Variants in NLRC5 observed in about 807,000 individuals in gnomAD.
The protein encoded by NLRC5 is NLR family CARD domain containing 5.
Under a neutral mutation model 206.9 loss-of-function variants are expected in NLRC5, and 114 were observed. That is an observed-to-expected ratio of 0.55 (90% CI 0.47 to 0.64). The LOEUF is 0.64. NLRC5 is among the 30% of genes least tolerant of loss of function. The probability of loss-of-function intolerance (pLI) is 0.00; values close to 1 mark genes in which losing one functional copy is unlikely to be tolerated. For missense variants in NLRC5, 2,008 were observed against 2,305.5 expected (o/e 0.87, Z 2.64); for synonymous variants, 952 against 962.8 (o/e 0.99, Z 0.21).
chr16:57,077,313 T>C lies in NLRC5; in HGVS notation c.4853T>C (p.Ile1618Thr), dbSNP rs780700162. ...CCCCCAAGCTTGAGCCACAACCAGA[T>C]TGGAGACGCTGGTGTCCAGCACTTA... ...LEELDLSHNQ[I>T]GDAGVQHLAT... Residue 1618 changes from isoleucine (I) to threonine (T), a missense_variant, in exon 41 of 49, where the codon ATT becomes ACT. Ile to Thr is a moderately conservative substitution (Grantham distance 89). Coordinates refer to ENST00000688547, the MANE Select transcript of NLRC5 (RefSeq NM_001384950.1). The C allele has an allele frequency of 5.6e-6, 9 of 1,614,044 alleles. No homozygotes were observed. The highest frequency in any genetic ancestry group is 6.8e-6 in the Non-Finnish European group (8 of 1,179,962).
intron 24 of NLRC5, chr16:57,052,740 AAGTAC>A (rs2065092204): frequency 6.6e-6 from 1 of 152,182 alleles, no homozygotes; most frequent in African/African-American, 2.4e-5. Flanking sequence ...TTCCAGGGGC[AAGTAC>A]AGCCCAGCTC....
chr16:57,063,106 CTTTTT>C (rs34897333), intron 32 of NLRC5, among the ~76,000 whole-genome samples: 1 of 95,078 alleles, frequency 1.1e-5, no homozygotes, highest in East Asian at 3.4e-4. Context: ...ACTTTCCTTC[CTTTTT>C]TTTTTTTTTT....
chr16:57,052,926 G>C (rs547302877), intron 24 of NLRC5: 1 of 152,296 alleles, frequency 6.6e-6, no homozygotes, highest in Non-Finnish European at 1.5e-5. Flanking sequence ...CTGACTCCTC[G>C]TCCGCCTTTG....
At chr16:57,068,060 G>A (rs1225712588) in intron 36 of NLRC5, among the ~76,000 whole-genome samples, 1 of 152,172 alleles carries the variant, frequency 6.6e-6, no homozygotes, top group Non-Finnish European at 1.5e-5. Flanking sequence ...CTCTTTCATT[G>A]TTTTTCTTTT....
Position 57,045,513 on chromosome 16 carries a change from G to A in NLRC5, c.3248+21G>A, listed in dbSNP as rs200287720. 41 of 1,612,272 alleles carry A rather than the reference G, an allele frequency of 2.5e-5. No individual in the cohort carries two copies. In the African/African-American group the frequency reaches 3.2e-4, roughly 13 times the overall value. ...AGCAGGTGAGGAGGGAACGCTCGGG[G>A]TGGGGGAGTCCCCTCCCGCTCTGGT... On this transcript the variant is annotated intron_variant, in intron 21 of 48. Transcript: ENST00000688547.
intron 1 of NLRC5, among the ~76,000 whole-genome samples, chr16:56,997,050 T>C (rs2057699493): frequency 6.6e-6 from 1 of 152,130 alleles, no homozygotes; most frequent in African/African-American, 2.4e-5. Flanking sequence ...TTTTGCATTT[T>C]TTGTAAAGAC....
At chr16:57,021,100 G>A (rs774081805) in intron 3 of NLRC5, 93 bp downstream of exon 3, 1 of 1,155,526 alleles carries the variant, frequency 8.7e-7, no homozygotes, top group South Asian at 1.4e-5. Context: ...AAGTCAGAGA[G>A]AGGGTGTAGC....
chr16:57,079,283 G>A lies in NLRC5; in HGVS notation c.5228G>A (p.Arg1743Lys). The A allele has an allele frequency of 6.2e-7, 1 of 1,613,376 alleles. No individual in the cohort carries two copies. Residue 1743 changes from arginine (R) to lysine (K), a missense_variant, in exon 45 of 49, where the codon AGA becomes AAA. By Grantham distance (26) the Arg-to-Lys change is conservative. Coordinates refer to ENST00000688547, the MANE Select transcript of NLRC5 (RefSeq NM_001384950.1). ...TTCTGTATGGAGCTCCCGCTGCTCA[G>A]ACAGATAGAGTAAGTAGCCTCCCCT... Reference protein sequence around the residue: ...LRFCMELPLLRQIDLVSCKID... With the variant: ...LRFCMELPLLKQIDLVSCKID...
Position 57,026,764 on chromosome 16 carries a change from C to T in NLRC5, c.1821C>T (p.Leu607=). The change falls in exon 6 of 49, where the codon CTC becomes CTT. Residue 607 remains leucine (L), a synonymous_variant. Transcript: ENST00000688547. ...TGAAGAAGTTGGCCACCCGCAAGCT[C>T]ACAGGGCCAAAGGTTGTAGAGCTGT... ...QVLKKLATRK[L]TGPKVVELCH... is the part of the protein sequence containing the mutation. The T allele has an allele frequency of 6.2e-7, 1 of 1,614,084 alleles. No homozygotes were observed. Among genetic ancestry groups the T allele is most frequent in the Non-Finnish European group, 8.5e-7 (1 of 1,179,948 alleles).
intron 20 of NLRC5, chr16:57,043,872 A>T: frequency 2.0e-6 from 1 of 511,478 alleles, no homozygotes. Flanking sequence ...TTCTTTGGAT[A>T]GTCCTTAGAG....
At chr16:57,065,180 G>T in intron 32 of NLRC5, 32 bp from the exon 33 acceptor site, 1 of 1,428,720 alleles carries the variant, frequency 7.0e-7, no homozygotes, top group South Asian at 1.5e-5. Flanking sequence ...CTCACCTTGG[G>T]GGGGCCTTAT....
chr16:57,077,734 C>T lies in NLRC5; in HGVS notation c.4935C>T (p.Ser1645=). 1 of 1,594,866 alleles carries T rather than the reference C, an allele frequency of 6.3e-7. No homozygotes were observed. Among genetic ancestry groups the T allele is most frequent in the Non-Finnish European group, 8.6e-7 (1 of 1,169,306 alleles). The part of the protein sequence containing the change: ...ELRKIDLSGN[S]ISSAGGVQLA... ...CCTCCCACAGCCTCTCAGGGAATAG[C>T]ATCAGCTCAGCCGGGGGAGTGCAGT... Residue 1645 remains serine, a synonymous_variant, in exon 42 of 49, where the codon AGC becomes AGT. Coordinates refer to ENST00000688547, the MANE Select transcript of NLRC5 (RefSeq NM_001384950.1).
chr16:57,067,168 G>A (rs1430758817), intron 34 of NLRC5, among the ~76,000 whole-genome samples: 1 of 152,172 alleles, frequency 6.6e-6, no homozygotes, highest in Admixed American at 6.5e-5. Flanking sequence ...CACCTCCTCG[G>A]CTGTGTGTCC....
chr16:57,050,523 G>A (rs2064739634), intron 23 of NLRC5, among the ~76,000 whole-genome samples: 1 of 151,792 alleles, frequency 6.6e-6, no homozygotes, highest in South Asian at 2.1e-4. Flanking sequence ...GGGAGGTGGA[G>A]AAGGCAGAAG....
chr16:57,021,441 A>T (rs1326195210), intron 3 of NLRC5, among the ~76,000 whole-genome samples: 1 of 152,134 alleles, frequency 6.6e-6, no homozygotes, highest in Non-Finnish European at 1.5e-5. Context: ...TCACTACAGC[A>T]TCCAACTCCA....
intron 1 of NLRC5, chr16:56,992,416 A>G (rs1345128794): frequency 1.3e-5 from 2 of 152,118 alleles, no homozygotes; most frequent in African/African-American, 2.4e-5. Flanking sequence ...AGGCAATCTA[A>G]GGATGTGAGC....
At chr16:56,997,713 T>C (rs1389316314) in intron 1 of NLRC5, among the ~76,000 whole-genome samples, 1 of 151,952 alleles carries the variant, frequency 6.6e-6, no homozygotes, top group Non-Finnish European at 1.5e-5. Context: ...CCCAGTTGCT[T>C]AGGAGCACAG....
chr16:57,023,718 GT>G, intron 4 of NLRC5, 66 bp from the exon 5 acceptor site: 1 of 1,391,484 alleles, frequency 7.2e-7, no homozygotes, highest in Non-Finnish European at 1.0e-6. Context: ...TTCCCCAAAG[GT>G]TCTGGGTAAC....
chr16:57,020,768 G>A lies in NLRC5; in HGVS notation c.56G>A (p.Arg19Lys), dbSNP rs771159577. ...AAGAACCTGTGGAGCTGTCTTGTGA[G>A]GCTGCTCACCAAAGACCCAGAATGG... The part of the protein sequence containing the change: ...GNKNLWSCLV[R>K]LLTKDPEWLN... The change falls in exon 3 of 49, where the codon AGG becomes AAG. Residue 19 changes from arginine to lysine, a missense_variant. Coordinates refer to ENST00000688547, the MANE Select transcript of NLRC5 (RefSeq NM_001384950.1). 4.3e-6 allele frequency: 7 copies of A among 1,612,618 alleles called. No individual in the cohort carries two copies. The Admixed American group carries it at 5.0e-5, about 12-fold the overall frequency.
Sources: allele counts gnomAD v4.1 joint callset (sites outside exome capture counted in the v4.1 genomes callset), GRCh38; gene constraint gnomAD v4.1.1; transcripts MANE v1.5; gene names NCBI Gene and HGNC (gene_info 2026-07-23, HGNC 2026-07-21).